The following NEGR1 variants were observed in gnomAD, a reference collection of about 807,000 sequenced individuals.
NEGR1 encodes IgLON family member 4.
A neutral mutation model predicts 40.9 loss-of-function variants in NEGR1; 10 were observed. The observed-to-expected ratio is 0.24, with a 90% CI of 0.15 to 0.42. The LOEUF (loss-of-function observed/expected upper bound fraction) is 0.42, where lower values mean the gene tolerates loss of function less well. Among genes scored for constraint, NEGR1 ranks in the 10% least tolerant of loss-of-function variants. NEGR1 has a pLI of 1.00. For missense variants in NEGR1, 352 were observed against 438.9 expected (o/e 0.80, Z 1.77); for synonymous variants, 185 against 166.8 (o/e 1.11, Z -0.84).
At chr1:71,677,665 G>T (rs754896921) in intron 4 of NEGR1, among the ~76,000 whole-genome samples, 2 of 152,256 alleles carry the variant, frequency 1.3e-5, no homozygotes, top group South Asian at 4.1e-4. Flanking sequence ...ATAAAAGCCT[G>T]TTTCACGGAG....
At chr1:71,851,763 T>G (rs1290651069) in intron 2 of NEGR1, among the ~76,000 whole-genome samples, 1 of 152,134 alleles carries the variant, frequency 6.6e-6, no homozygotes, top group African/African-American at 2.4e-5. Flanking sequence ...TGTTTGCTCA[T>G]TAAAAAAAAT....
intron 6 of NEGR1, among the ~76,000 whole-genome samples, chr1:71,588,964 C>G (rs1570072302): frequency 6.6e-6 from 1 of 152,106 alleles, no homozygotes; most frequent in Non-Finnish European, 1.5e-5. Flanking sequence ...ATAACATCAG[C>G]CTTGTCTTCT....
At chr1:71,871,903 T>G (rs543815533) in intron 2 of NEGR1, among the ~76,000 whole-genome samples, 46 of 152,302 alleles carry the variant, frequency 3.0e-4, no homozygotes, top group African/African-American at 1.0e-3. Flanking sequence ...AAATATCAAT[T>G]TATCCTTTCT....
At chr1:71,448,608 A>C (rs571746555) in intron 6 of NEGR1, among the ~76,000 whole-genome samples, 1 of 152,228 alleles carries the variant, frequency 6.6e-6, no homozygotes, top group Admixed American at 6.5e-5. Flanking sequence ...CAAAGAAAAA[A>C]AAAATGTCGC....
chr1:71,835,414 A>C (rs541087311), intron 2 of NEGR1, among the ~76,000 whole-genome samples: 16 of 152,210 alleles, frequency 1.1e-4, no homozygotes, highest in Non-Finnish European at 1.8e-4. Context: ...CATAATATAA[A>C]AAATTGTTAG....
intron 6 of NEGR1, among the ~76,000 whole-genome samples, chr1:71,415,792 A>G (rs570998878): frequency 2.0e-5 from 3 of 152,250 alleles, no homozygotes; most frequent in South Asian, 2.1e-4. Context: ...TGTGTTGTCA[A>G]TACAGGTTAT....
chr1:71,969,346 G>A (rs1286896450), intron 1 of NEGR1, among the ~76,000 whole-genome samples: 2 of 152,172 alleles, frequency 1.3e-5, no homozygotes, highest in Non-Finnish European at 2.9e-5. Context: ...TAGTTAGCGT[G>A]CATATACCAT....
chr1:71,765,695 G>A (rs927531351), intron 3 of NEGR1, among the ~76,000 whole-genome samples: 2 of 152,014 alleles, frequency 1.3e-5, no homozygotes, highest in African/African-American at 4.8e-5. Flanking sequence ...TATATGGTTT[G>A]TATCTTATTT....
intron 6 of NEGR1, among the ~76,000 whole-genome samples, chr1:71,465,946 T>A (rs536260858): frequency 6.6e-6 from 1 of 152,006 alleles, no homozygotes; most frequent in African/African-American, 2.4e-5. Context: ...TTATGGCCAG[T>A]TTTTACCAAA....
rs116294354 is a variant in NEGR1, at chr1:72,012,145, C to A, written c.177-76834G>T. On this transcript the variant is annotated intron_variant, in intron 1 of 6. Coordinates refer to ENST00000357731, the MANE Select transcript of NEGR1 (RefSeq NM_173808.3). Reference sequence around the variant, plus strand: ...TTAGTATGTTAGAATAAATATAACACAAGGTGAAGACAGTATTTGAGATTC... The same window carrying A: ...TTAGTATGTTAGAATAAATATAACAAAAGGTGAAGACAGTATTTGAGATTC... Among the ~76,000 whole-genome samples, 487 of 152,160 alleles carry A rather than the reference C, an allele frequency of 3.2e-3. 1 individual carries two copies. Among genetic ancestry groups the A allele is most frequent in the African/African-American group, 0.011 (455 of 41,528 alleles).
intron 2 of NEGR1, among the ~76,000 whole-genome samples, chr1:71,924,060 T>A (rs1157256050): frequency 6.6e-6 from 1 of 151,346 alleles, no homozygotes; most frequent in Non-Finnish European, 1.5e-5. Context: ...AGCAGCTATT[T>A]AAAAAAAAAT....
intron 1 of NEGR1, among the ~76,000 whole-genome samples, chr1:72,138,484 A>T (rs1301871842): frequency 1.3e-5 from 2 of 152,028 alleles, no homozygotes; most frequent in Non-Finnish European, 2.9e-5. Context: ...GAAGAAATAT[A>T]CTTTAAATAG....
At chr1:72,086,440 G>A (rs1252057942) in intron 1 of NEGR1, among the ~76,000 whole-genome samples, 1 of 152,174 alleles carries the variant, frequency 6.6e-6, no homozygotes, top group Non-Finnish European at 1.5e-5. Context: ...AAAAATGAGA[G>A]AGAACAAAAG....
chr1:71,743,430 C>A, intron 3 of NEGR1, among the ~76,000 whole-genome samples: 1 of 149,442 alleles, frequency 6.7e-6, no homozygotes, highest in African/African-American at 2.5e-5. Flanking sequence ...CCAAAGGCAG[C>A]CGGAGAAAAA....
At chr1:72,216,404 T>TATATATATATAC (rs1653819858) in intron 1 of NEGR1, among the ~76,000 whole-genome samples, 5 of 131,168 alleles carry the variant, frequency 3.8e-5, no homozygotes, top group African/African-American at 1.6e-4. Context: ...TATATATACA[T>TATATATATATAC]ATATATATAT....
intron 1 of NEGR1, among the ~76,000 whole-genome samples, chr1:72,108,073 A>C (rs1212880617): frequency 1.3e-5 from 2 of 151,576 alleles, no homozygotes; most frequent in Non-Finnish European, 3.0e-5. Context: ...AAATATGTGA[A>C]ATTTGCAGCT....
Position 72,186,017 on chromosome 1 carries a change from A to T in NEGR1, c.176+96302T>A, listed in dbSNP as rs140192509. Among the ~76,000 whole-genome samples, 80 of 151,950 alleles carry T rather than the reference A, an allele frequency of 5.3e-4. No individual in the cohort carries two copies. The East Asian group carries it at 0.014, about 26-fold the overall frequency. On this transcript the variant is annotated intron_variant, in intron 1 of 6. Transcript: ENST00000357731. ...ATTATAAAATGAGTTTCCAGATTTA[A>T]AAATCTAGTAAACACTAGTTTCAGC... is the stretch of plus-strand genomic sequence containing the variant.
chr1:71,749,244 TTTAG>T (rs1232144566), intron 3 of NEGR1, among the ~76,000 whole-genome samples: 1 of 152,150 alleles, frequency 6.6e-6, no homozygotes, highest in African/African-American at 2.4e-5. Flanking sequence ...AGAATCACCA[TTTAG>T]TTAGTGTAAT....
chr1:71,928,473 T>TGTATATATAC (rs1557439441), intron 2 of NEGR1, among the ~76,000 whole-genome samples: 1 of 95,286 alleles, frequency 1.0e-5, no homozygotes, highest in African/African-American at 4.1e-5. Flanking sequence ...TACTTATATA[T>TGTATATATAC]ACACATATAT....
Sources: allele counts gnomAD v4.1 joint callset (sites outside exome capture counted in the v4.1 genomes callset), GRCh38; gene constraint gnomAD v4.1.1; transcripts MANE v1.5; gene names NCBI Gene and HGNC (gene_info 2026-07-23, HGNC 2026-07-21).